The following SORCS3 variants were observed in gnomAD, a reference collection of about 807,000 sequenced individuals.
The protein encoded by SORCS3 is sortilin related VPS10 domain containing receptor 3.
SORCS3 carries 57 observed loss-of-function variants against 146.3 expected under a neutral mutation model. The observed-to-expected ratio is 0.39, with a 90% CI of 0.31 to 0.49. The LOEUF is 0.49. Among genes scored for constraint, SORCS3 ranks in the 20% least tolerant of loss-of-function variants. SORCS3 has a pLI of 0.92. For synonymous variants in SORCS3, 653 were observed against 618.5 expected, an observed-to-expected ratio of 1.06 and a Z score of -0.83; for missense variants, 1,341 against 1,575.5, an observed-to-expected ratio of 0.85 and a Z score of 2.52.
chr10:105,048,641 T>G (rs1285277519), intron 5 of SORCS3, among the ~76,000 whole-genome samples: 1 of 151,548 alleles, frequency 6.6e-6, no homozygotes, highest in Non-Finnish European at 1.5e-5. Context: ...CATATGTAAC[T>G]AACCTGCATG....
intron 7 of SORCS3, among the ~76,000 whole-genome samples, chr10:105,134,783 C>A (rs1030941560): frequency 3.3e-5 from 5 of 152,096 alleles, no homozygotes; most frequent in Non-Finnish European, 7.4e-5. Context: ...TTCTCACATG[C>A]AAAATATGTT....
At chr10:104,931,469 A>G (rs2019208205) in intron 3 of SORCS3, among the ~76,000 whole-genome samples, 1 of 152,230 alleles carries the variant, frequency 6.6e-6, no homozygotes, top group Admixed American at 6.5e-5. Context: ...CAAGGGTATA[A>G]ATAAGGTCTT....
intron 3 of SORCS3, among the ~76,000 whole-genome samples, chr10:104,968,354 G>C (rs937693950): frequency 1.3e-5 from 2 of 152,170 alleles, no homozygotes; most frequent in Admixed American, 1.3e-4. Flanking sequence ...GACCTCAGGT[G>C]ATCTACCCGC....
intron 1 of SORCS3, among the ~76,000 whole-genome samples, chr10:104,825,587 G>T (rs1313722688): frequency 6.6e-6 from 1 of 152,144 alleles, no homozygotes; most frequent in Non-Finnish European, 1.5e-5. Flanking sequence ...ATGGTGGTTG[G>T]ATGGATGGAG....
At chr10:104,838,237 G>T (rs2018093576) in intron 1 of SORCS3, among the ~76,000 whole-genome samples, 1 of 152,198 alleles carries the variant, frequency 6.6e-6, no homozygotes, top group African/African-American at 2.4e-5. Flanking sequence ...CCACCATCCT[G>T]CCTGCCATAT....
At chr10:105,259,997 A>G (rs2056951700) in intron 25 of SORCS3, among the ~76,000 whole-genome samples, 1 of 152,198 alleles carries the variant, frequency 6.6e-6, no homozygotes, top group South Asian at 2.1e-4. Context: ...TATTCTCAAC[A>G]GTCCTACAAG....
intron 18 of SORCS3, among the ~76,000 whole-genome samples, chr10:105,215,975 A>T (rs955329109): frequency 6.6e-5 from 1 of 15,214 alleles, no homozygotes; most frequent in Non-Finnish European, 1.2e-4. Context: ...GCCCAATATA[A>T]TGGTGGGGTG....
intron 4 of SORCS3, among the ~76,000 whole-genome samples, chr10:104,987,182 G>A (rs2054967101): frequency 6.6e-6 from 1 of 151,870 alleles, no homozygotes; most frequent in Admixed American, 6.6e-5. Flanking sequence ...AGGAATGAAG[G>A]ACGGAACGAA....
chr10:104,847,797 C>T (rs956552800), intron 2 of SORCS3, among the ~76,000 whole-genome samples: 2 of 152,174 alleles, frequency 1.3e-5, no homozygotes, highest in Non-Finnish European at 2.9e-5. Context: ...TGCACCCACC[C>T]TAGTAGTATG....
intron 1 of SORCS3, among the ~76,000 whole-genome samples, chr10:104,773,084 G>A (rs566419012): frequency 2.6e-5 from 4 of 152,304 alleles, no homozygotes; most frequent in Non-Finnish European, 5.9e-5. Flanking sequence ...TGAAGAAGCA[G>A]CATTTAACAT....
intron 3 of SORCS3, among the ~76,000 whole-genome samples, chr10:104,945,296 G>C (rs527879739): frequency 6.6e-6 from 1 of 151,598 alleles, no homozygotes; most frequent in Non-Finnish European, 1.5e-5. Flanking sequence ...CGCTCTGTCA[G>C]GCTGGAGTGC....
In SORCS3 at chr10:104,641,835, G is replaced by A. The variant is rs372001150; in HGVS notation, c.508G>A (p.Ala170Thr). ...LAKGSREEVK[A>T]PRAGGSAAED... ...TAAGGGTTCCCGGGAGGAGGTGAAGGCGCCGCGGGCTGGGGGGTCGGCGGC... is the reference window on the plus strand; with the variant it reads ...TAAGGGTTCCCGGGAGGAGGTGAAGACGCCGCGGGCTGGGGGGTCGGCGGC... Residue 170 changes from alanine to threonine, a missense_variant, in exon 1 of 27, where the codon GCG becomes ACG. Coordinates refer to ENST00000369701, the MANE Select transcript of SORCS3 (RefSeq NM_014978.3). The surrounding 1 kb of genome is among the most constrained non-coding windows in gnomAD (Gnocchi z 6.4). 7 of 1,561,290 alleles carry A rather than the reference G, an allele frequency of 4.5e-6. No homozygotes were observed. The highest frequency in any genetic ancestry group is 3.4e-4 in the Middle Eastern group (2 of 5,882).
chr10:104,820,896 G>A (rs1564691282), intron 1 of SORCS3, among the ~76,000 whole-genome samples: 1 of 152,180 alleles, frequency 6.6e-6, no homozygotes, highest in Non-Finnish European at 1.5e-5. Flanking sequence ...AGGCCTTGGA[G>A]AAGTGATTTT....
At chr10:104,692,199 G>T (rs185773150) in intron 1 of SORCS3, among the ~76,000 whole-genome samples, 74 of 152,274 alleles carry the variant, frequency 4.9e-4, no homozygotes, top group African/African-American at 1.7e-3. Flanking sequence ...TGGGGAAGGG[G>T]AGTGGGGATG....
chr10:104,999,638 T>G (rs888012320), intron 4 of SORCS3, among the ~76,000 whole-genome samples: 4 of 138,998 alleles, frequency 2.9e-5, no homozygotes, highest in African/African-American at 1.1e-4. Context: ...ACAGGATCTC[T>G]TCTGAAAACC....
At chr10:104,973,548 T>C (rs2054874898) in intron 3 of SORCS3, among the ~76,000 whole-genome samples, 1 of 150,470 alleles carries the variant, frequency 6.6e-6, no homozygotes, top group African/African-American at 2.4e-5. Context: ...GATATCCCCT[T>C]TATCATTTTT....
intron 4 of SORCS3, among the ~76,000 whole-genome samples, chr10:105,005,139 A>T (rs790660): frequency 0.55 from 83,460 of 152,046 alleles, 26,137 homozygotes; most frequent in African/African-American, 0.87. Flanking sequence ...TACCACAGGA[A>T]TGCTATTAAG....
chr10:104,777,086 G>A (rs908965231), intron 1 of SORCS3, among the ~76,000 whole-genome samples: 1 of 152,104 alleles, frequency 6.6e-6, no homozygotes, highest in Non-Finnish European at 1.5e-5. Flanking sequence ...GGTATCTGTG[G>A]CTATTCCCTC....
intron 7 of SORCS3, among the ~76,000 whole-genome samples, chr10:105,114,720 C>G (rs1402737098): frequency 6.6e-6 from 1 of 151,754 alleles, no homozygotes; most frequent in African/African-American, 2.4e-5. Context: ...GCCAAGCGGA[C>G]AGGTAACACT....
Sources: gnomAD v4.1 joint callset for allele counts (sites outside exome capture counted in the v4.1 genomes callset) on GRCh38, gnomAD v4.1.1 for gene constraint, Gnocchi (gnomAD v3.1) non-coding constraint, MANE v1.5 for transcripts, NCBI Gene and HGNC (gene_info 2026-07-23, HGNC 2026-07-21) for gene names.